Variants in RIF1 observed in about 807,000 individuals in gnomAD.
The protein encoded by RIF1 is telomere-associated protein RIF1.
Under a neutral mutation model 247.1 loss-of-function variants are expected in RIF1, and 45 were observed. That is an observed-to-expected ratio of 0.18 (90% CI 0.14 to 0.23). RIF1 has a LOEUF of 0.23. Ranked by LOEUF, RIF1 falls within the 10% of genes least tolerant of loss-of-function variation. The probability of loss-of-function intolerance (pLI) is 1.00; values close to 1 mark genes in which losing one functional copy is unlikely to be tolerated. For missense variants in RIF1, 2,967 were observed against 2,862.5 expected (o/e 1.04, Z -0.83); for synonymous variants, 1,087 against 978.8 (o/e 1.11, Z -2.06).
chr2:151,422,782 G>T (rs912188007), intron 7 of RIF1, among the ~76,000 whole-genome samples, 168 bp from the exon 8 acceptor site: 2 of 151,952 alleles, frequency 1.3e-5, no homozygotes, highest in East Asian at 1.9e-4. Context: ...CTCCCAAAGT[G>T]CTGGGATTAC....
At chr2:151,466,977 A>G (rs911177528) in intron 30 of RIF1, among the ~76,000 whole-genome samples, 1 of 152,134 alleles carries the variant, frequency 6.6e-6, no homozygotes, top group African/African-American at 2.4e-5. Context: ...AATCCCAGGC[A>G]TGGGATTTGG....
chr2:151,420,362 G>C lies in RIF1; in HGVS notation c.676G>C (p.Glu226Gln). ...QKQQEIASITEQLMTTKLISE... is the reference protein window; with the variant it reads ...QKQQEIASITQQLMTTKLISE... ...ACAGCAAGAAATAGCATCTATTACG[G>C]AGCAGCTTATGACTACTGTGAGTGT... Residue 226 changes from glutamate (E) to glutamine (Q), a missense_variant, in exon 7 of 36, where the codon GAG (glutamate) becomes CAG (glutamine). Coordinates refer to ENST00000444746, the MANE Select transcript of RIF1 (RefSeq NM_018151.5). The C allele has an allele frequency of 6.2e-7, 1 of 1,614,052 alleles. No individual in the cohort carries two copies. Among genetic ancestry groups the C allele is most frequent in the Non-Finnish European group, 8.5e-7 (1 of 1,179,980 alleles).
chr2:151,412,263 T>TCTTG (rs1558923399), intron 3 of RIF1, among the ~76,000 whole-genome samples: 2 of 151,948 alleles, frequency 1.3e-5, no homozygotes, highest in African/African-American at 4.8e-5. Context: ...CTCCAAAGTT[T>TCTTG]GAGTTCTCAT....
At chr2:151,498,510 G>T (rs2061903414) in intron 10 of RIF1, among the ~76,000 whole-genome samples, 1 of 152,138 alleles carries the variant, frequency 6.6e-6, no homozygotes. Context: ...TGAGCCTAAA[G>T]ACATCTTCAA....
intron 21 of RIF1, among the ~76,000 whole-genome samples, chr2:151,452,807 T>A (rs943166220): frequency 6.6e-6 from 1 of 152,232 alleles, no homozygotes; most frequent in Non-Finnish European, 1.5e-5. Context: ...AGTCTCATTT[T>A]GACATAATTT....
chr2:151,525,162 C>T, the RIF1 span: 1 of 1,609,996 alleles, frequency 6.2e-7, no homozygotes, highest in Non-Finnish European at 8.5e-7. Flanking sequence ...GGAAAACTTA[C>T]ATCACTTTGC....
chr2:151,447,373 G>A (rs1169012171), intron 20 of RIF1, among the ~76,000 whole-genome samples: 2 of 152,180 alleles, frequency 1.3e-5, no homozygotes, highest in Non-Finnish European at 2.9e-5. Context: ...TGAATATATG[G>A]TATTCTTGCC....
intron 11 of RIF1, chr2:151,501,351 TATTTTTTAATATGGAGTTAAAGA>T: frequency 7.7e-7 from 1 of 1,293,312 alleles, no homozygotes; most frequent in East Asian, 2.5e-5. Context: ...TAGAAATTAT[TATTTTTTAATATGGAGTTAAAGA>T]GCTTTCTCCC....
At chr2:151,474,822 A>G (rs1459128649) in intron 35 of RIF1, 35 bp from the exon 36 acceptor site, 25 of 1,213,340 alleles carry the variant, frequency 2.1e-5, no homozygotes, top group Non-Finnish European at 2.7e-5. Context: ...TTTGTCTGGT[A>G]TAGATTTAAT....
At chr2:151,522,817 G>A in the RIF1 span, among the ~76,000 whole-genome samples, 1 of 152,136 alleles carries the variant, frequency 6.6e-6, no homozygotes. Flanking sequence ...CCTCTCCTTT[G>A]GCCTTTGAGG....
At chr2:151,491,804 G>A (rs376045753) in intron 9 of RIF1, 8 of 1,521,858 alleles carry the variant, frequency 5.3e-6, no homozygotes, top group African/African-American at 4.1e-5. Flanking sequence ...ATCAGAACAA[G>A]TGTTCTTGGA....
chr2:151,438,056 C>G (rs1434248889), intron 13 of RIF1, among the ~76,000 whole-genome samples: 1 of 152,194 alleles, frequency 6.6e-6, no homozygotes, highest in Non-Finnish European at 1.5e-5. Context: ...CCTTCTGAAT[C>G]TCCGTGAACA....
intron 12 of RIF1, chr2:151,505,933 C>T (rs963117246): frequency 5.2e-6 from 3 of 576,524 alleles, no homozygotes; most frequent in African/African-American, 1.9e-5. Context: ...CCGGATTCTA[C>T]CTTCTCACAA....
In RIF1 at chr2:151,462,880, G is replaced by A. The variant is rs745564818; in HGVS notation, c.3364-4G>A. 1 of 1,576,616 alleles carries A rather than the reference G, an allele frequency of 6.3e-7. No homozygotes were observed. Among genetic ancestry groups the A allele is most frequent in the Non-Finnish European group, 8.6e-7 (1 of 1,159,558 alleles). On this transcript the variant is annotated splice_polypyrimidine_tract_variant and splice_region_variant and intron_variant, in intron 29 of 35. Coordinates refer to ENST00000444746, the MANE Select transcript of RIF1 (RefSeq NM_018151.5). Reference sequence around the variant, plus strand: ...TGTATATATATGTATATATTTCTGTGCAGGAGGAGCAAATGGACAGTGACA... The same window carrying A: ...TGTATATATATGTATATATTTCTGTACAGGAGGAGCAAATGGACAGTGACA...
chr2:151,432,849 A>G (rs974893696), intron 9 of RIF1, among the ~76,000 whole-genome samples: 8 of 152,124 alleles, frequency 5.3e-5, no homozygotes, highest in African/African-American at 1.9e-4. Flanking sequence ...AATATTACTT[A>G]TTTGTTTTAA....
At chr2:151,505,394 G>T in intron 12 of RIF1, 2 of 1,173,984 alleles carry the variant, frequency 1.7e-6, no homozygotes, top group Non-Finnish European at 2.5e-6. Context: ...GCTCTTGATA[G>T]GAAGCAGAAA....
intron 21 of RIF1, among the ~76,000 whole-genome samples, chr2:151,452,980 G>T (rs774783218): frequency 6.6e-6 from 1 of 152,116 alleles, no homozygotes; most frequent in Admixed American, 6.5e-5. Flanking sequence ...GTTGAGAAGA[G>T]GAAACAATGT....
In RIF1 at chr2:151,492,367, C is replaced by T. The variant is rs368125758; in HGVS notation, c.*416-2862C>T. On this transcript the variant is annotated intron_variant and NMD_transcript_variant, in intron 9 of 13. Transcript: ENST00000454583. ...CATTCTGACAGGCAGCCAGCCAATC[C>T]TAAAGAATTCCTGACTCACCGTTGA... The T allele has an allele frequency of 6.3e-6, 10 of 1,592,854 alleles. No individual in the cohort carries two copies. The highest frequency in any genetic ancestry group is 1.7e-5 in the Admixed American group (1 of 58,222).
At chr2:151,439,939 C>T in intron 14 of RIF1, 88 bp from the exon 15 acceptor site, 2 of 631,730 alleles carry the variant, frequency 3.2e-6, no homozygotes, top group Non-Finnish European at 5.3e-6. Flanking sequence ...TGCCCCTGTA[C>T]CCCAGCTTGG....
Sources: allele counts gnomAD v4.1 joint callset (sites outside exome capture counted in the v4.1 genomes callset), GRCh38; gene constraint gnomAD v4.1.1; transcripts MANE v1.5; gene names NCBI Gene and HGNC (gene_info 2026-07-23, HGNC 2026-07-21).